ADAM20: variants seen among roughly 807,000 people sequenced by gnomAD.
ADAM20 encodes ADAM metallopeptidase domain 20, also known as disintegrin and metalloproteinase domain-containing protein 20.
For synonymous variants in ADAM20, 305 were observed against 310.2 expected, an observed-to-expected ratio of 0.98 and a Z score of 0.18; for missense variants, 871 against 883.2, an observed-to-expected ratio of 0.99 and a Z score of 0.18.
the ADAM20 span, among the ~76,000 whole-genome samples, chr14:70,546,964 GA>G: frequency 2.0e-5 from 3 of 151,910 alleles, no homozygotes; most frequent in African/African-American, 7.3e-5. Context: ...CAAGACTAAG[GA>G]AAAAAGACAG....
chr14:70,564,471 T>G, the ADAM20 span, among the ~76,000 whole-genome samples: 43 of 152,216 alleles, frequency 2.8e-4, no homozygotes, highest in Admixed American at 1.7e-3. Context: ...TTTCATCAAA[T>G]GTGCAGACAT....
the ADAM20 span, among the ~76,000 whole-genome samples, chr14:70,561,175 G>A: frequency 6.6e-6 from 1 of 152,194 alleles, no homozygotes; most frequent in Non-Finnish European, 1.5e-5. Flanking sequence ...TGGAGTAAAG[G>A]TCACTCTTGC....
chr14:70,555,274 AAAAAG>A, the ADAM20 span, among the ~76,000 whole-genome samples: 14 of 152,248 alleles, frequency 9.2e-5, no homozygotes, highest in Non-Finnish European at 1.6e-4. Context: ...GCACCACAAA[AAAAAG>A]AAAAGAAATG....
the ADAM20 span, among the ~76,000 whole-genome samples, chr14:70,543,672 C>A: frequency 6.6e-6 from 1 of 152,080 alleles, no homozygotes. Context: ...CCTACTAAAC[C>A]TTTTTCAAAG....
the ADAM20 span, among the ~76,000 whole-genome samples, chr14:70,578,084 A>G: frequency 6.6e-6 from 1 of 152,162 alleles, no homozygotes; most frequent in Non-Finnish European, 1.5e-5. Context: ...AGAATGAAAA[A>G]CAACTCACAC....
chr14:70,575,489 C>T, the ADAM20 span, among the ~76,000 whole-genome samples: 2 of 152,112 alleles, frequency 1.3e-5, no homozygotes, highest in Non-Finnish European at 2.9e-5. Flanking sequence ...CTTTACAACA[C>T]ACCCATACCC....
the ADAM20 span, among the ~76,000 whole-genome samples, chr14:70,569,701 A>G: frequency 6.6e-6 from 1 of 152,034 alleles, no homozygotes; most frequent in African/African-American, 2.4e-5. Context: ...TTATTTAATG[A>G]TAAAACATTC....
chr14:70,558,465 C>T, the ADAM20 span, among the ~76,000 whole-genome samples: 5 of 151,878 alleles, frequency 3.3e-5, no homozygotes, highest in African/African-American at 9.7e-5. Flanking sequence ...TATCTGTGTG[C>T]CTGTGTGTTA....
At chr14:70,534,146 G>A (rs1173018837) in intron 1 of ADAM20, among the ~76,000 whole-genome samples, 2 of 140,526 alleles carry the variant, frequency 1.4e-5, no homozygotes, top group African/African-American at 2.6e-5. Flanking sequence ...ACACTTAAAT[G>A]TATTAATCTT....
chr14:70,545,330 G>A, the ADAM20 span, among the ~76,000 whole-genome samples: 5 of 152,290 alleles, frequency 3.3e-5, no homozygotes, highest in East Asian at 1.9e-4. Flanking sequence ...GAGAATCTGC[G>A]CACTTGGGAG....
chr14:70,555,783 C>A, the ADAM20 span, among the ~76,000 whole-genome samples: 1 of 152,144 alleles, frequency 6.6e-6, no homozygotes, highest in Non-Finnish European at 1.5e-5. Context: ...TGTCTCTACT[C>A]GTCCCTCTGC....
the ADAM20 span, among the ~76,000 whole-genome samples, chr14:70,569,904 A>C: frequency 5.2e-3 from 767 of 146,768 alleles, 9 homozygotes; most frequent in African/African-American, 0.019. Context: ...AAAAAAAAAA[A>C]AAAAAAAAAA....
At chr14:70,545,686 A>C in the ADAM20 span, among the ~76,000 whole-genome samples, 3 of 152,242 alleles carry the variant, frequency 2.0e-5, no homozygotes, top group African/African-American at 7.2e-5. Flanking sequence ...ATATATATGC[A>C]CCTAACACTG....
chr14:70,524,425 G>T lies in ADAM20; in HGVS notation c.333C>A (p.Tyr111Ter). The T allele has an allele frequency of 6.2e-7, 1 of 1,614,012 alleles. No individual in the cohort carries two copies. The highest frequency in any genetic ancestry group is 1.1e-5 in the South Asian group (1 of 91,082). Residue 111 changes from tyrosine to a stop codon, truncating the protein, a stop_gained, in exon 2 of 2, where the codon TAC becomes TAA. Coordinates refer to ENST00000256389, the MANE Select transcript of ADAM20 (RefSeq NM_003814.5). LOFTEE classifies it low-confidence loss of function (END_TRUNC). ...DQPFIQDDCY[Y>*]HGYVEGVPES... ...CAGGGACCCCCTCCACATAACCATG[G>T]TAGTAGCAGTCATCCTGGATGAAGG...
At chr14:70,576,264 T>C in the ADAM20 span, among the ~76,000 whole-genome samples, 1 of 152,138 alleles carries the variant, frequency 6.6e-6, no homozygotes, top group Non-Finnish European at 1.5e-5. Context: ...TCAATGCAAC[T>C]GTCAGAAATT....
At position 70,524,222 on chromosome 14, in the gene ADAM20, T is replaced by C. The variant is rs1415984716; in HGVS notation, c.536A>G (p.Lys179Arg). ...PPMRCGLTEE[K>R]IAHQMELQLS... ...TTGCAACTCCATCTGGTGTGCTATTTTCTCTTCTGTTAACCCACATCTCAT... is the reference window on the plus strand; with the variant it reads ...TTGCAACTCCATCTGGTGTGCTATTCTCTCTTCTGTTAACCCACATCTCAT... Residue 179 changes from lysine (K) to arginine (R), a missense_variant, in exon 2 of 2, where the codon AAA becomes AGA. Physicochemically the swap from Lys to Arg is conservative, Grantham distance 26. Coordinates refer to ENST00000256389, the MANE Select transcript of ADAM20 (RefSeq NM_003814.5). 4 of 1,613,902 alleles carry C rather than the reference T, an allele frequency of 2.5e-6. No homozygotes were observed. The highest frequency in any genetic ancestry group is 3.4e-6 in the Non-Finnish European group (4 of 1,179,948).
chr14:70,546,600 G>A, the ADAM20 span, among the ~76,000 whole-genome samples: 1 of 152,146 alleles, frequency 6.6e-6, no homozygotes, highest in African/African-American at 2.4e-5. Flanking sequence ...TGAATAGAAT[G>A]GAAGGCATGT....
intron 1 of ADAM20, among the ~76,000 whole-genome samples, chr14:70,525,541 C>A: frequency 6.6e-6 from 1 of 152,064 alleles, no homozygotes; most frequent in East Asian, 1.9e-4. Context: ...ATTTTAAAGA[C>A]ACTGGATTCT....
chr14:70,573,115 C>T, the ADAM20 span, among the ~76,000 whole-genome samples: 3 of 152,098 alleles, frequency 2.0e-5, no homozygotes, highest in African/African-American at 7.2e-5. Flanking sequence ...ATCATTTTAT[C>T]AAAAGGTCAT....
Sources: gnomAD v4.1 joint callset for allele counts (sites outside exome capture counted in the v4.1 genomes callset) on GRCh38, gnomAD v4.1.1 for gene constraint, MANE v1.5 for transcripts, NCBI Gene and HGNC (gene_info 2026-07-23, HGNC 2026-07-21) for gene names.